Variants in AHNAK2 observed in about 807,000 individuals in gnomAD.
AHNAK2 encodes the protein protein AHNAK2.
AHNAK2 carries 18 observed loss-of-function variants against 30.7 expected under a neutral mutation model. The ratio of observed to expected loss-of-function variants is 0.59; its 90% CI spans 0.41 to 0.87. The LOEUF is 0.87. Among genes scored for constraint, AHNAK2 ranks in the 40% least tolerant of loss-of-function variants. The probability of loss-of-function intolerance (pLI) is 0.00; values close to 1 mark genes in which losing one functional copy is unlikely to be tolerated. For missense variants in AHNAK2, 8,604 were observed against 7,373.0 expected (o/e 1.17, Z -6.11); for synonymous variants, 3,590 against 3,073.8 (o/e 1.17, Z -5.56).
Position 104,953,654 on chromosome 14 carries a change from CTT to C in AHNAK2, c.1795_1796del (p.Lys599AspfsTer23). ...SLGWSPSKHT[K>X]TGREKATEDT... ...CTTCTGTGGCTTTTTCTCTGCCTGT[CTT>C]TGTGTGCTTGCTTGGCGACCATCCT... On this transcript the variant is annotated frameshift_variant, in exon 7 of 7. Transcript: ENST00000333244. LOFTEE classifies it low-confidence loss of function (END_TRUNC). 1 of 1,613,884 alleles carries C rather than the reference CTT, an allele frequency of 6.2e-7. No homozygotes were observed. The highest frequency in any genetic ancestry group is 8.5e-7 in the Non-Finnish European group (1 of 1,179,876).
chr14:104,968,367 A>G (rs1294301016), intron 1 of AHNAK2, among the ~76,000 whole-genome samples: 1 of 152,032 alleles, frequency 6.6e-6, no homozygotes, highest in East Asian at 1.9e-4. Context: ...GGCCTCAGGC[A>G]GTGTGTCTGG....
chr14:104,949,322 G>A lies in AHNAK2; in HGVS notation c.6129C>T (p.Ala2043=), dbSNP rs61271499. The part of the protein sequence containing the change: ...TTDLSIQPPS[A]DLKVQTGQVD... Reference sequence around the variant, plus strand: ...CCTGGCCAGTCTGGACCTTCAGGTCGGCAGAAGGGGGCTGAATGCTGAGGT... The same window carrying A: ...CCTGGCCAGTCTGGACCTTCAGGTCAGCAGAAGGGGGCTGAATGCTGAGGT... Residue 2043 remains alanine (A), a synonymous_variant, in exon 7 of 7, where the codon GCC becomes GCT. Transcript: ENST00000333244. 80,456 of 1,297,038 alleles carry A rather than the reference G, an allele frequency of 0.062. 26,297 individuals are homozygous for A. Among genetic ancestry groups the A allele is most frequent in the East Asian group, 0.32 (14,146 of 44,104 alleles). The allele number at this position is 1,297,038 out of a possible 1,614,324, so 80.3% of individuals were successfully genotyped here. A position where few individuals can be genotyped will look rare whatever the true frequency, so the allele number is the denominator to read the frequency against.
chr14:104,976,956 C>T (rs1899608585), intron 1 of AHNAK2, among the ~76,000 whole-genome samples: 1 of 152,194 alleles, frequency 6.6e-6, no homozygotes, highest in Admixed American at 6.5e-5. Flanking sequence ...CATCATCCTC[C>T]CGCTGCTGTG....
intron 4 of AHNAK2, among the ~76,000 whole-genome samples, chr14:104,955,918 C>T (rs944485315): frequency 1.5e-4 from 23 of 152,388 alleles, no homozygotes; most frequent in African/African-American, 5.3e-4. Flanking sequence ...CCAGGAGCAG[C>T]GCAGAACGGA....
In AHNAK2 at chr14:104,948,010, T is replaced by A; in HGVS notation, c.7441A>T (p.Ser2481Cys). Residue 2481 changes from serine to cysteine, a missense_variant, in exon 7 of 7, where the codon AGC becomes TGC. Transcript: ENST00000333244. The part of the protein sequence containing the change: ...VADKDVTTKD[S>C]RFKIPKFKMP... ...TTGAACTTGGGAATTTTGAACCTGC[T>A]GTCTTTGGTAGTCACATCCTTGTCC... is the stretch of plus-strand genomic sequence containing the variant. 1 of 1,612,518 alleles carries A rather than the reference T, an allele frequency of 6.2e-7. No homozygotes were observed. The highest frequency in any genetic ancestry group is 8.5e-7 in the Non-Finnish European group (1 of 1,179,560).
Position 104,945,155 on chromosome 14 carries a change from C to G in AHNAK2, c.10296G>C (p.Val3432=), listed in dbSNP as rs181123888. 3.9e-4 allele frequency: 625 copies of G among 1,612,264 alleles called. 10 individuals are homozygous for G. The African/African-American group carries it at 7.7e-3, about 20-fold the overall frequency. The part of the protein sequence containing the change: ...VPKAEVTVPD[V]EVSLPSVEVD... The stretch of plus-strand genomic sequence containing the variant: ...CCTCCACGCTGGGCAGAGACACCTC[C>G]ACATCAGGGACTGTCACTTCCGCCT... The change falls in exon 7 of 7, where the codon GTG becomes GTC. Residue 3432 remains valine (V), a synonymous_variant. Transcript: ENST00000333244.
chr14:104,942,456 A>C lies in AHNAK2; in HGVS notation c.12995T>G (p.Val4332Gly), dbSNP rs564041542. The change falls in exon 7 of 7, where the codon GTG (valine) becomes GGG (glycine). Residue 4332 changes from valine (V) to glycine (G), a missense_variant. Coordinates refer to ENST00000333244, the MANE Select transcript of AHNAK2 (RefSeq NM_138420.4). ...GTCCCCCTGCATGGAGGGGAGGCTC[A>C]CGTCAGCCTCCACCTTCAGCGCAGA... ...DVSALKVEAD[V>G]SLPSMQGDLK... 2.0e-5 allele frequency: 32 copies of C among 1,612,864 alleles called. No individual in the cohort carries two copies. The African/African-American group carries it at 3.6e-4, about 18-fold the overall frequency.
chr14:104,953,618 C>A lies in AHNAK2; in HGVS notation c.1833G>T (p.Gln611His). The change falls in exon 7 of 7, where the codon CAG becomes CAT. Residue 611 changes from glutamine to histidine, a missense_variant. Physicochemically the swap from Gln to His is conservative, Grantham distance 24. Transcript: ENST00000333244. ...TTGCTGTGGCCTCTCCTTCCCTTCC[C>A]TGCTCTGTGTCTTCTGTGGCTTTTT... ...GREKATEDTE[Q>H]GREGEATATA... is the part of the protein sequence containing the mutation. 6.2e-7 allele frequency: 1 copy of A among 1,613,992 alleles called. No individual in the cohort carries two copies. The highest frequency in any genetic ancestry group is 1.1e-5 in the South Asian group (1 of 91,084).
rs763053524 is a variant in AHNAK2, at chr14:104,947,445, G to C, written c.8006C>G (p.Ala2669Gly). The C allele has an allele frequency of 6.2e-7, 1 of 1,612,402 alleles. No individual in the cohort carries two copies. The highest frequency in any genetic ancestry group is 8.5e-7 in the Non-Finnish European group (1 of 1,179,466). ...CTTCAGCTCAGACACATCCACCAAC[G>C]CCTCGATGGACTCGCCTGGGGCCGA... ...RVSAPGESIE[A>G]LVDVSELKVE... Residue 2669 changes from alanine to glycine, a missense_variant, in exon 7 of 7, where the codon GCG becomes GGG. Transcript: ENST00000333244.
rs1417539328 is a variant in AHNAK2 at position 104,944,342 on chromosome 14, A to T, written c.11109T>A (p.Asp3703Glu). 3.7e-6 allele frequency: 6 copies of T among 1,611,160 alleles called. No individual in the cohort carries two copies. The Admixed American group carries it at 8.4e-5, about 22-fold the overall frequency. ...GCACCTGGCCCTCCGGGAGCTTCAC[A>T]TCCATCTGGCCAGCCTGGACCTTCA... is the stretch of plus-strand genomic sequence containing the variant. ...ADLKVQAGQM[D>E]VKLPEGQVPE... Residue 3703 changes from aspartate (D) to glutamate (E), a missense_variant, in exon 7 of 7, where the codon GAT (aspartate) becomes GAA (glutamate). Asp to Glu is a conservative substitution (Grantham distance 45, BLOSUM62 2). Transcript: ENST00000333244.
At chr14:104,957,302 G>A in intron 3 of AHNAK2, 108 bp downstream of exon 3, 1 of 1,042,466 alleles carries the variant, frequency 9.6e-7, no homozygotes, top group South Asian at 1.6e-5. Context: ...ACTGCCCAGT[G>A]GGCAGCGGGG....
Position 104,947,055 on chromosome 14 carries a change from A to T in AHNAK2, c.8396T>A (p.Leu2799Gln). Residue 2799 changes from leucine (L) to glutamine (Q), a missense_variant, in exon 7 of 7, where the codon CTG becomes CAG. Transcript: ENST00000333244. ...KLDGARLEGDLSLADKGMTAK... is the reference protein window; with the variant it reads ...KLDGARLEGDQSLADKGMTAK... The stretch of plus-strand genomic sequence containing the variant: ...TGTCATGCCCTTGTCGGCCAGGGAC[A>T]GGTCCCCCTCCAGCCGCGCACCATC... 6.2e-7 allele frequency: 1 copy of T among 1,612,380 alleles called. No homozygotes were observed. The highest frequency in any genetic ancestry group is 8.5e-7 in the Non-Finnish European group (1 of 1,179,578).
chr14:104,943,958 G>C lies in AHNAK2; in HGVS notation c.11493C>G (p.Pro3831=), dbSNP rs151023874. 1.1e-3 allele frequency: 1,729 copies of C among 1,612,492 alleles called. 23 individuals carry two copies. In the African/African-American group the frequency reaches 0.02, roughly 19 times the overall value. The change falls in exon 7 of 7, where the codon CCC becomes CCG. Residue 3831 remains proline, a synonymous_variant. Transcript: ENST00000333244. ...GGAGACTCACATCGGCCTCCACCTT[G>C]GGTGCAGACACGTGCACCGAGGCCT... ...SIEASVHVSA[P]KVEADVSLPS... is the part of the protein sequence containing the mutation.
chr14:104,942,126 C>A lies in AHNAK2; in HGVS notation c.13325G>T (p.Ser4442Ile). 3.7e-6 allele frequency: 6 copies of A among 1,613,390 alleles called. No individual in the cohort carries two copies. In the East Asian group the frequency reaches 1.3e-4, roughly 36 times the overall value. Residue 4442 changes from serine (S) to isoleucine (I), a missense_variant, in exon 7 of 7, where the codon AGT (serine) becomes ATT (isoleucine). Ser to Ile is a moderately radical substitution (Grantham distance 142, BLOSUM62 -2). Transcript: ENST00000333244. The part of the protein sequence containing the change: ...DIQAPGAKLD[S>I]TRLEGDLSLA... ...GGACAGGTCCCCCTCCAGCCGCGTA[C>A]TGTCCAGCTTGGCTCCTGGGGCTTG...
rs535435703 is a variant in AHNAK2, at chr14:104,978,340, T to C, written c.-103A>G. The stretch of plus-strand genomic sequence containing the variant: ...GGGCGGGAGCCGCGCTCTGCCCCGC[T>C]GCCCTGCGCTGCCGCGGGCGGCCGA... On this transcript the variant is annotated 5_prime_UTR_variant, in exon 1 of 7. Transcript: ENST00000333244. 9.4e-5 allele frequency: 76 copies of C among 812,430 alleles called. 1 individual carries two copies. In the African/African-American group the frequency reaches 1.3e-3, roughly 14 times the overall value. The allele number at this position is 812,430 out of a possible 1,614,324, so 50.3% of individuals were successfully genotyped here.
rs191850986 is a variant in AHNAK2, at chr14:104,969,076, C to A, written c.55+9107G>T. 5.0e-3 allele frequency among the ~76,000 whole-genome samples: 762 copies of A among 152,322 alleles called. 7 individuals are homozygous for A. The highest frequency in any genetic ancestry group is 0.017 in the African/African-American group (718 of 41,562). On this transcript the variant is annotated intron_variant, in intron 1 of 6. Coordinates refer to ENST00000333244, the MANE Select transcript of AHNAK2 (RefSeq NM_138420.4). ...AGACTTCCCTGAGCAACATCCCCCG[C>A]CCCTCCCCGATGCTTCTTGAGATAA...
In AHNAK2 at chr14:104,948,684, A is replaced by G; in HGVS notation, c.6767T>C (p.Ile2256Thr). The change falls in exon 7 of 7, where the codon ATA (isoleucine) becomes ACA (threonine). Residue 2256 changes from isoleucine (I) to threonine (T), a missense_variant. By Grantham distance (89) the Ile-to-Thr change is moderately conservative. Coordinates refer to ENST00000333244, the MANE Select transcript of AHNAK2 (RefSeq NM_138420.4). ...VPKVDLKGPE[I>T]DIKGPKLDLK... ...GTCCAGCTTGGGGCCCTTGATGTCT[A>G]TTTCGGGGCCCTTGAGGTCCACTTT... 1.2e-6 allele frequency: 2 copies of G among 1,608,604 alleles called. No homozygotes were observed. Among genetic ancestry groups the G allele is most frequent in the Non-Finnish European group, 1.7e-6 (2 of 1,178,166 alleles).
chr14:104,938,124 T>C lies in AHNAK2; in HGVS notation c.17327A>G (p.Glu5776Gly), dbSNP rs1465844894. 1 of 1,613,850 alleles carries C rather than the reference T, an allele frequency of 6.2e-7. No individual in the cohort carries two copies. The highest frequency in any genetic ancestry group is 1.3e-5 in the African/African-American group (1 of 74,912). Residue 5776 changes from glutamate to glycine, a missense_variant, in exon 7 of 7, where the codon GAG becomes GGG. Physicochemically the swap from Glu to Gly is moderately conservative, Grantham distance 98. Transcript: ENST00000333244. ...SAARTELILP[E>G]QDRKADDESK... ...TTCATCGTCAGCTTTTCTGTCCTGC[T>C]CGGGCAGGATTAACTCTGTTCTTGC...
chr14:104,951,922 C>A lies in AHNAK2; in HGVS notation c.3529G>T (p.Ala1177Ser). 2 of 1,610,020 alleles carry A rather than the reference C, an allele frequency of 1.2e-6. No individual in the cohort carries two copies. Among genetic ancestry groups the A allele is most frequent in the South Asian group, 1.1e-5 (1 of 90,704 alleles). Residue 1177 changes from alanine (A) to serine (S), a missense_variant, in exon 7 of 7, where the codon GCC becomes TCC. Coordinates refer to ENST00000333244, the MANE Select transcript of AHNAK2 (RefSeq NM_138420.4). Reference protein sequence around the residue: ...KFKMPSFGASAPGKSIEASVD... With the variant: ...KFKMPSFGASSPGKSIEASVD... Reference sequence around the variant, plus strand: ...GAGGCCTCGATGGACTTGCCTGGGGCTGACGCCCCGAACGATGGCATCTTG... The same window carrying A: ...GAGGCCTCGATGGACTTGCCTGGGGATGACGCCCCGAACGATGGCATCTTG...
Sources: allele counts gnomAD v4.1 joint callset (sites outside exome capture counted in the v4.1 genomes callset), GRCh38; gene constraint gnomAD v4.1.1; transcripts MANE v1.5; gene names NCBI Gene and HGNC (gene_info 2026-07-23, HGNC 2026-07-21).